The following IL36G variants were observed in gnomAD, a reference collection of about 807,000 sequenced individuals.
The protein encoded by IL36G is interleukin-36 gamma.
IL36G carries 10 observed loss-of-function variants against 13.5 expected under a neutral mutation model. The ratio of observed to expected loss-of-function variants is 0.74; its 90% confidence interval spans 0.46 to 1.26. The LOEUF (loss-of-function observed/expected upper bound fraction) is 1.26. Ranked by LOEUF, IL36G falls within the 50% of genes most tolerant of loss-of-function variation. The probability of loss-of-function intolerance (pLI) is 0.00; values close to 1 mark genes in which losing one functional copy is unlikely to be tolerated. For missense variants in IL36G, 199 were observed against 203.0 expected (o/e 0.98, Z 0.12); for synonymous variants, 84 against 74.0 (o/e 1.13, Z -0.69).
chr2:112,980,168 A>G lies in IL36G; in HGVS notation c.300+20A>G. The G allele has an allele frequency of 6.2e-7, 1 of 1,604,198 alleles. No individual in the cohort carries two copies. Among genetic ancestry groups the G allele is most frequent in the Non-Finnish European group, 8.5e-7 (1 of 1,175,570 alleles). The stretch of plus-strand genomic sequence containing the variant: ...CTAAAAGTGAGTAGCTAAGAAAAAT[A>G]TTTAAAAAGCCTTTCCTTTTAGAAG... On this transcript the variant is annotated intron_variant, in intron 4 of 4. Transcript: ENST00000259205.
intron 4 of IL36G, 56 bp from the exon 5 acceptor site, chr2:112,984,784 T>C (rs1474240985): frequency 1.4e-6 from 2 of 1,397,622 alleles, no homozygotes; most frequent in Non-Finnish European, 2.0e-6. Context: ...TGAATAACCT[T>C]GAATATCTCA....
Position 112,980,076 on chromosome 2 carries a change from T to C in IL36G, c.228T>C (p.Tyr76=). 1 of 1,613,550 alleles carries C rather than the reference T, an allele frequency of 6.2e-7. No homozygotes were observed. Among genetic ancestry groups the C allele is most frequent in the Non-Finnish European group, 8.5e-7 (1 of 1,179,432 alleles). Residue 76 remains tyrosine (Y), a synonymous_variant, in exon 4 of 5, where the codon TAT becomes TAC. Transcript: ENST00000259205. ...AGCAAGGCAGAGGGGATCCCATTTA[T>C]TTGGGAATCCAGAATCCAGAAATGT... ...ALEQGRGDPI[Y]LGIQNPEMCL... is the part of the protein sequence containing the mutation.
Position 112,980,598 on chromosome 2 carries a change from A to G in IL36G, c.300+450A>G, listed in dbSNP as rs35938455. Among the ~76,000 whole-genome samples the G allele has an allele frequency of 7.4e-3, 1,133 of 152,380 alleles. 10 individuals are homozygous for G. The highest frequency in any genetic ancestry group is 0.011 in the Non-Finnish European group (771 of 68,042). On this transcript the variant is annotated intron_variant, in intron 4 of 4. Transcript: ENST00000259205. ...TTAGCATGTGGTTTAAACTTTTCAC[A>G]AGCCAACCCTGACTTTCAGGAAGTG...
At chr2:112,980,849 A>G (rs192119459) in intron 4 of IL36G, among the ~76,000 whole-genome samples, 6 of 152,350 alleles carry the variant, frequency 3.9e-5, no homozygotes, top group African/African-American at 1.4e-4. Flanking sequence ...TTTATTTTCC[A>G]TACCACAAGG....
chr2:112,979,295 G>T lies in IL36G; in HGVS notation c.130G>T (p.Ala44Ser). ...GACCCTTCAGGGTCAGAACCTTGTG[G>T]CAGTTCCACGAAGTGACAGTGTGAC... ...VWTLQGQNLVAVPRSDSVTPV... is the reference protein window; with the variant it reads ...VWTLQGQNLVSVPRSDSVTPV... Residue 44 changes from alanine (A) to serine (S), a missense_variant, in exon 3 of 5, where the codon GCA becomes TCA. Coordinates refer to ENST00000259205, the MANE Select transcript of IL36G (RefSeq NM_019618.4). The T allele has an allele frequency of 1.2e-6, 2 of 1,612,694 alleles. No individual in the cohort carries two copies. Among genetic ancestry groups the T allele is most frequent in the Non-Finnish European group, 1.7e-6 (2 of 1,178,676 alleles).
chr2:112,979,393 T>C, intron 3 of IL36G, 68 bp downstream of exon 3: 4 of 929,334 alleles, frequency 4.3e-6, no homozygotes, highest in Non-Finnish European at 7.0e-6. Context: ...CATCAGCCTT[T>C]TGTAAAAGTG....
intron 2 of IL36G, among the ~76,000 whole-genome samples, chr2:112,978,927 G>A (rs1684213231): frequency 6.6e-6 from 1 of 152,182 alleles, no homozygotes; most frequent in Admixed American, 6.5e-5. Flanking sequence ...CACAAAAGAG[G>A]GTAGCTGGGC....
At chr2:112,979,167 T>C in intron 2 of IL36G, 54 bp from the exon 3 acceptor site, 1 of 1,202,262 alleles carries the variant, frequency 8.3e-7, no homozygotes, top group South Asian at 1.2e-5. Context: ...CTGGGTCTAG[T>C]AAAGCAGCCT....
intron 4 of IL36G, among the ~76,000 whole-genome samples, 171 bp downstream of exon 4, chr2:112,980,319 G>A (rs1684240604): frequency 6.6e-6 from 1 of 151,402 alleles, no homozygotes; most frequent in African/African-American, 2.4e-5. Flanking sequence ...CTGGCTGTCA[G>A]TAGTTAAGGT....
intron 2 of IL36G, 92 bp from the exon 3 acceptor site, chr2:112,979,129 A>G (rs1684215646): frequency 1.3e-6 from 1 of 774,224 alleles, no homozygotes; most frequent in East Asian, 2.6e-5. Context: ...CCTTCCTTAC[A>G]AAATGGCCTG....
chr2:112,983,814 C>T (rs1479067331), intron 4 of IL36G, among the ~76,000 whole-genome samples: 1 of 152,134 alleles, frequency 6.6e-6, no homozygotes, highest in African/African-American at 2.4e-5. Flanking sequence ...TTAAAGTTCA[C>T]TTACCTGCCT....
intron 4 of IL36G, among the ~76,000 whole-genome samples, chr2:112,980,613 T>C (rs1684245065): frequency 6.6e-6 from 1 of 152,202 alleles, no homozygotes; most frequent in Non-Finnish European, 1.5e-5. Context: ...AACCCTGACT[T>C]TCAGGAAGTG....
intron 2 of IL36G, 128 bp from the exon 3 acceptor site, chr2:112,979,093 G>A: frequency 1.5e-6 from 1 of 645,782 alleles, no homozygotes; most frequent in Non-Finnish European, 2.8e-6. Flanking sequence ...TGTGAGTGCT[G>A]TCAGTTTGGG....
chr2:112,983,904 G>T (rs537175689), intron 4 of IL36G, among the ~76,000 whole-genome samples: 1 of 152,226 alleles, frequency 6.6e-6, no homozygotes, highest in Non-Finnish European at 1.5e-5. Flanking sequence ...AGGTGAGAGA[G>T]TGATGGCCTG....
intron 4 of IL36G, chr2:112,981,522 T>C: frequency 1.9e-6 from 1 of 524,556 alleles, no homozygotes; most frequent in Non-Finnish European, 3.4e-6. Flanking sequence ...TGTTCTTGCC[T>C]CTTCTTCACA....
At position 112,985,210 on chromosome 2, in the gene IL36G, A is replaced by G; in HGVS notation, c.*161A>G. On this transcript the variant is annotated 3_prime_UTR_variant, in exon 5 of 5. Transcript: ENST00000259205. ...ATAATGAAGAAGAAGCAATTACTTCATAGCAACTGAAGAACAGGATGTGGC... is the reference window on the plus strand; with the variant it reads ...ATAATGAAGAAGAAGCAATTACTTCGTAGCAACTGAAGAACAGGATGTGGC... The G allele has an allele frequency of 3.3e-6, 2 of 609,252 alleles. No homozygotes were observed. Among genetic ancestry groups the G allele is most frequent in the Non-Finnish European group, 5.8e-6 (2 of 346,804 alleles). 37.7% of individuals were successfully genotyped at this position (609,252 alleles called of 1,614,324 possible).
rs185679596 is a variant in IL36G at position 112,984,399 on chromosome 2, A to G, written c.301-441A>G. Reference sequence around the variant, plus strand: ...TTTCATTGGTATTTATCTTTCTCATATATGTGGCAATTAGTCAGAAATTCA... The same window carrying G: ...TTTCATTGGTATTTATCTTTCTCATGTATGTGGCAATTAGTCAGAAATTCA... On this transcript the variant is annotated intron_variant, in intron 4 of 4. Transcript: ENST00000259205. Among the ~76,000 whole-genome samples the G allele has an allele frequency of 7.9e-5, 12 of 152,194 alleles. No individual in the cohort carries two copies. In the East Asian group the frequency reaches 1.2e-3, roughly 15 times the overall value.
intron 4 of IL36G, among the ~76,000 whole-genome samples, chr2:112,983,500 T>C (rs1684303064): frequency 1.3e-5 from 2 of 152,138 alleles, no homozygotes; most frequent in African/African-American, 4.8e-5. Flanking sequence ...AGTAAAGTTC[T>C]CCCCAAGGAG....
rs756860964 is a variant in IL36G, at chr2:112,978,629, C to T, written c.-10C>T. On this transcript the variant is annotated 5_prime_UTR_variant, in exon 2 of 5. Coordinates refer to ENST00000259205, the MANE Select transcript of IL36G (RefSeq NM_019618.4). ...ATGTCTGCTTTCACAGGTGCTGAGA[C>T]AACCACACTATGAGAGGCACTCCAG... 1.9e-6 allele frequency: 3 copies of T among 1,613,920 alleles called. No homozygotes were observed. The highest frequency in any genetic ancestry group is 2.5e-6 in the Non-Finnish European group (3 of 1,179,792).
Sources: allele counts gnomAD v4.1 joint callset (sites outside exome capture counted in the v4.1 genomes callset), GRCh38; gene constraint gnomAD v4.1.1; transcripts MANE v1.5; gene names NCBI Gene and HGNC (gene_info 2026-07-23, HGNC 2026-07-21).